The following WWOX variants were observed in gnomAD, a reference collection of about 807,000 sequenced individuals.
WWOX encodes the protein WW domain-containing oxidoreductase.
In WWOX, 69 loss-of-function variants were observed where a neutral mutation model predicts 46.2. That is an observed-to-expected ratio of 1.49 (90% CI 1.23 to 1.82). The LOEUF is 1.82. WWOX is among the 40% of genes most tolerant of loss of function. The probability of loss-of-function intolerance (pLI) is 0.00; values close to 1 mark genes in which losing one functional copy is unlikely to be tolerated. For synonymous variants in WWOX, 359 were observed against 202.6 expected (o/e 1.77, Z -6.56); for missense variants, 919 against 542.6 (o/e 1.69, Z -6.89).
At chr16:78,585,692 T>TG (rs2045182528) in intron 8 of WWOX, among the ~76,000 whole-genome samples, 3 of 151,186 alleles carry the variant, frequency 2.0e-5, no homozygotes, top group African/African-American at 7.3e-5. Flanking sequence ...TTTTTGTTTT[T>TG]TTTTGTTTTT....
intron 5 of WWOX, among the ~76,000 whole-genome samples, chr16:78,324,877 A>C (rs1024581351): frequency 5.9e-5 from 9 of 152,202 alleles, no homozygotes; most frequent in African/African-American, 1.7e-4. Flanking sequence ...AATGTACTAA[A>C]AATCATTGAA....
chr16:78,248,345 C>T (rs1486673463), intron 5 of WWOX, among the ~76,000 whole-genome samples: 1 of 152,178 alleles, frequency 6.6e-6, no homozygotes, highest in Admixed American at 6.5e-5. Context: ...GGAGAGCCAA[C>T]TCACCACACA....
intron 5 of WWOX, among the ~76,000 whole-genome samples, chr16:78,259,017 A>G (rs2054636225): frequency 1.3e-5 from 2 of 152,230 alleles, no homozygotes; most frequent in African/African-American, 4.8e-5. Flanking sequence ...TGCCAAAAAT[A>G]AGAATCTTTA....
At chr16:78,374,092 G>T (rs762780955) in intron 5 of WWOX, among the ~76,000 whole-genome samples, 63 of 152,296 alleles carry the variant, frequency 4.1e-4, no homozygotes, top group Middle Eastern at 3.4e-3. Context: ...TGGCCACCAG[G>T]CATATTTTGG....
chr16:78,907,816 A>C (rs1271436178), intron 8 of WWOX, among the ~76,000 whole-genome samples: 2 of 152,162 alleles, frequency 1.3e-5, no homozygotes, highest in African/African-American at 4.8e-5. Flanking sequence ...GGGAAACAGG[A>C]CTACCAGGAA....
chr16:78,279,082 G>A (rs1198740270), intron 5 of WWOX, among the ~76,000 whole-genome samples: 2 of 152,200 alleles, frequency 1.3e-5, no homozygotes, highest in Non-Finnish European at 2.9e-5. Flanking sequence ...TGTCACCAGA[G>A]TTCGCTGTCA....
chr16:78,888,753 C>G (rs2044522003), intron 8 of WWOX, among the ~76,000 whole-genome samples: 1 of 152,140 alleles, frequency 6.6e-6, no homozygotes, highest in Non-Finnish European at 1.5e-5. Context: ...CCTAAAATAG[C>G]CCAGGGTTAG....
At chr16:78,683,341 C>G (rs1022093650) in intron 8 of WWOX, among the ~76,000 whole-genome samples, 1 of 151,324 alleles carries the variant, frequency 6.6e-6, no homozygotes, top group Non-Finnish European at 1.5e-5. Flanking sequence ...AGTTGGAGAC[C>G]AGCCTGGGCA....
At position 78,386,537 on chromosome 16, in the gene WWOX, G is replaced by A. The variant is rs530275175; in HGVS notation, c.517-323G>A. Among the ~76,000 whole-genome samples the A allele has an allele frequency of 6.6e-5, 10 of 152,144 alleles. No homozygotes were observed. In the East Asian group the frequency reaches 9.7e-4, roughly 15 times the overall value. ...TGTCGTGCATTCCCCTCCTTACAGC[G>A]TTTTAGGATGCAGATTGAGAGGAGA... On this transcript the variant is annotated intron_variant, in intron 5 of 8. Transcript: ENST00000566780.
At chr16:78,378,260 A>C (rs1242965511) in intron 5 of WWOX, among the ~76,000 whole-genome samples, 1 of 152,196 alleles carries the variant, frequency 6.6e-6, no homozygotes, top group Admixed American at 6.5e-5. Flanking sequence ...AAGTCAGTGA[A>C]GAGACTCTCA....
chr16:79,136,689 T>C (rs1000169560), intron 8 of WWOX, among the ~76,000 whole-genome samples: 2 of 152,194 alleles, frequency 1.3e-5, no homozygotes, highest in Admixed American at 1.3e-4. Context: ...GGGTCCTTTC[T>C]AGTTGCATGA....
At position 79,088,776 on chromosome 16, in the gene WWOX, G is replaced by A. The variant is rs58086248; in HGVS notation, c.1057-122832G>A. Among the ~76,000 whole-genome samples the A allele has an allele frequency of 8.3e-3, 1,265 of 152,184 alleles. 21 individuals are homozygous for A. The highest frequency in any genetic ancestry group is 0.028 in the African/African-American group (1,150 of 41,502). On this transcript the variant is annotated intron_variant, in intron 8 of 8. Coordinates refer to ENST00000566780, the MANE Select transcript of WWOX (RefSeq NM_016373.4). Reference sequence around the variant, plus strand: ...ACCGTGGGCTGCTAAGACTGCTTTAGATATACTGCAGATATTCAAAGAGAA... The same window carrying A: ...ACCGTGGGCTGCTAAGACTGCTTTAAATATACTGCAGATATTCAAAGAGAA...
At chr16:78,567,703 G>T (rs992846749) in intron 8 of WWOX, among the ~76,000 whole-genome samples, 1 of 152,054 alleles carries the variant, frequency 6.6e-6, no homozygotes, top group Admixed American at 6.5e-5. Flanking sequence ...CCCACTGGCT[G>T]TGGAGAGTTC....
At chr16:78,450,820 C>A (rs2083673419) in intron 8 of WWOX, among the ~76,000 whole-genome samples, 1 of 152,072 alleles carries the variant, frequency 6.6e-6, no homozygotes, top group Non-Finnish European at 1.5e-5. Flanking sequence ...CAGATTTCCT[C>A]TAAGAAAGAT....
intron 8 of WWOX, among the ~76,000 whole-genome samples, chr16:78,636,866 T>A (rs1393543678): frequency 6.6e-6 from 1 of 152,174 alleles, no homozygotes; most frequent in African/African-American, 2.4e-5. Flanking sequence ...CTGAGCTGCA[T>A]CATTTAAAGA....
rs142930056 is a variant in WWOX, at chr16:78,489,725, C to T, written c.1056+56973C>T. On this transcript the variant is annotated intron_variant, in intron 8 of 8. Coordinates refer to ENST00000566780, the MANE Select transcript of WWOX (RefSeq NM_016373.4). ...GGGCCCTGGCATGATGGCAAGATGCCGTTCTGGGTTCACTGGGATGGCTCA... is the reference window on the plus strand; with the variant it reads ...GGGCCCTGGCATGATGGCAAGATGCTGTTCTGGGTTCACTGGGATGGCTCA... Among the ~76,000 whole-genome samples the T allele has an allele frequency of 3.3e-5, 5 of 152,208 alleles. No individual in the cohort carries two copies. The East Asian group carries it at 5.8e-4, about 18-fold the overall frequency.
At chr16:78,781,270 G>C (rs1458030659) in intron 8 of WWOX, among the ~76,000 whole-genome samples, 1 of 152,100 alleles carries the variant, frequency 6.6e-6, no homozygotes, top group Non-Finnish European at 1.5e-5. Context: ...GCTATAAATA[G>C]AGCTATTTTG....
chr16:78,905,628 G>C (rs944475423), intron 8 of WWOX, among the ~76,000 whole-genome samples: 21 of 152,148 alleles, frequency 1.4e-4, no homozygotes, highest in African/African-American at 5.1e-4. Context: ...TGAATCTCCA[G>C]CTGTGGCCCC....
chr16:78,712,131 C>A (rs1486770204), intron 8 of WWOX, among the ~76,000 whole-genome samples: 1 of 152,118 alleles, frequency 6.6e-6, no homozygotes, highest in Admixed American at 6.6e-5. Context: ...AATGCTCTGA[C>A]CAATAAGCCA....
Sources: gnomAD v4.1 joint callset for allele counts (sites outside exome capture counted in the v4.1 genomes callset) on GRCh38, gnomAD v4.1.1 for gene constraint, MANE v1.5 for transcripts, NCBI Gene and HGNC (gene_info 2026-07-23, HGNC 2026-07-21) for gene names.